Variants in CPA5 observed in about 807,000 individuals in gnomAD.
CPA5 encodes carboxypeptidase A5, also known as testicular tissue protein Li 32.
Under a neutral mutation model 52.2 loss-of-function variants are expected in CPA5, and 38 were observed. The observed-to-expected ratio is 0.73, with a 90% CI of 0.56 to 0.95. The LOEUF (loss-of-function observed/expected upper bound fraction) is 0.95, where lower values mean the gene tolerates loss of function less well. Among genes scored for constraint, CPA5 ranks in the 40% least tolerant of loss-of-function variants. CPA5 has a pLI of 0.00. For missense variants in CPA5, 519 were observed against 566.7 expected (o/e 0.92, Z 0.86); for synonymous variants, 198 against 213.7 (o/e 0.93, Z 0.64).
downstream of CPA5, chr7:130,368,793 C>G (rs953828567): frequency 3.1e-5 from 18 of 589,874 alleles, no homozygotes; most frequent in African/African-American, 3.4e-4. Context: ...GGACGAGAGG[C>G]TGCTTCTCAT....
chr7:130,359,580 A>C lies in CPA5; in HGVS notation c.334-9A>C. The stretch of plus-strand genomic sequence containing the variant: ...CCTTCCTTTCCAATATGTGTTCCCC[A>C]TCACCCAGGTGCTGCTGGATGAGGA... On this transcript the variant is annotated splice_polypyrimidine_tract_variant and intron_variant, in intron 5 of 12. Transcript: ENST00000474905. 6.4e-7 allele frequency: 1 copy of C among 1,553,816 alleles called. No homozygotes were observed. Among genetic ancestry groups the C allele is most frequent in the Non-Finnish European group, 8.7e-7 (1 of 1,146,956 alleles).
intron 4 of CPA5, among the ~76,000 whole-genome samples, chr7:130,349,770 A>G (rs1339765963): frequency 2.0e-5 from 3 of 150,378 alleles, no homozygotes; most frequent in Non-Finnish European, 3.0e-5. Flanking sequence ...TTTGTATAGG[A>G]AAGAGCATAG....
intron 6 of CPA5, among the ~76,000 whole-genome samples, chr7:130,360,924 G>A (rs908606946): frequency 5.3e-5 from 8 of 152,206 alleles, no homozygotes; most frequent in Non-Finnish European, 1.2e-4. Flanking sequence ...ACAGAGCAAG[G>A]AGCCTGGGAA....
intron 5 of CPA5, 49 bp from the exon 6 acceptor site, chr7:130,359,540 C>A: frequency 7.1e-7 from 1 of 1,407,768 alleles, no homozygotes; most frequent in Non-Finnish European, 9.8e-7. Context: ...AGAGGCATAG[C>A]CAGCCCAGCT....
At chr7:130,369,726 C>T (rs575550153), downstream of CPA5, among the ~76,000 whole-genome samples, 30 of 152,186 alleles carry the variant, frequency 2.0e-4, no homozygotes, top group Non-Finnish European at 8.8e-5. Context: ...CAAGAGCCAA[C>T]CCCTGGAGGG....
downstream of CPA5, among the ~76,000 whole-genome samples, chr7:130,370,988 C>T (rs139521564): frequency 6.6e-6 from 1 of 152,332 alleles, no homozygotes; most frequent in Non-Finnish European, 1.5e-5. Context: ...CAGAGGGAGG[C>T]CAGTCATTCT....
chr7:130,357,538 G>A lies in CPA5; in HGVS notation c.334-2051G>A, dbSNP rs535547467. ...CTCGGGAGGCAGAGGCAGGAGAATCGCTTGAACCTGGGAGGCAGAGGTTGC... is the reference window on the plus strand; with the variant it reads ...CTCGGGAGGCAGAGGCAGGAGAATCACTTGAACCTGGGAGGCAGAGGTTGC... On this transcript the variant is annotated intron_variant, in intron 5 of 12. Transcript: ENST00000474905. Among the ~76,000 whole-genome samples, 51 of 151,628 alleles carry A rather than the reference G, an allele frequency of 3.4e-4. No individual in the cohort carries two copies. In the East Asian group the frequency reaches 8.3e-3, roughly 25 times the overall value.
intron 10 of CPA5, 98 bp from the exon 11 acceptor site, chr7:130,367,274 A>G (rs554284231): frequency 5.2e-5 from 54 of 1,037,496 alleles, no homozygotes; most frequent in South Asian, 4.6e-4. Flanking sequence ...ACTGCAAAGG[A>G]GGCTGGGAAA....
Position 130,345,894 on chromosome 7 carries a change from G to A in CPA5, c.-96G>A, listed in dbSNP as rs1794701652. 1 of 152,208 alleles carries A rather than the reference G, an allele frequency of 6.6e-6. No individual in the cohort carries two copies. The highest frequency in any genetic ancestry group is 2.1e-4 in the South Asian group (1 of 4,832). The allele number at this position is 152,208 out of a possible 1,614,324, so 9.4% of individuals were successfully genotyped here. ...TCATCTATACCCCTTCAAACCCTGT[G>A]AGGTAGGGAGGGGAGGTATGATTAA... On this transcript the variant is annotated splice_region_variant and 5_prime_UTR_variant, in exon 2 of 13. Coordinates refer to ENST00000474905, the MANE Select transcript of CPA5 (RefSeq NM_080385.5).
rs1199541584 is a variant in CPA5, at chr7:130,346,569, G to A, written c.84G>A (p.Leu28=). Residue 28 remains leucine (L), a synonymous_variant, in exon 3 of 13, where the codon CTG becomes CTA. Coordinates refer to ENST00000474905, the MANE Select transcript of CPA5 (RefSeq NM_080385.5). ...CACTCCTGGTCTTCAGCTTTATCCTGGCAGCAGCTTTGGGCCAAATGAATT... is the reference window on the plus strand; with the variant it reads ...CACTCCTGGTCTTCAGCTTTATCCTAGCAGCAGCTTTGGGCCAAATGAATT... The part of the protein sequence containing the change: ...RRTLLVFSFI[L]AAALGQMNFT... 6.2e-7 allele frequency: 1 copy of A among 1,613,990 alleles called. No homozygotes were observed. Among genetic ancestry groups the A allele is most frequent in the Non-Finnish European group, 8.5e-7 (1 of 1,179,920 alleles).
At chr7:130,348,454 C>T (rs182467528) in intron 4 of CPA5, among the ~76,000 whole-genome samples, 2 of 152,310 alleles carry the variant, frequency 1.3e-5, no homozygotes, top group South Asian at 2.1e-4. Flanking sequence ...GACTGGGACT[C>T]ATGATGCTTT....
chr7:130,352,816 AC>A (rs1301709980), intron 5 of CPA5, among the ~76,000 whole-genome samples: 1 of 150,074 alleles, frequency 6.7e-6, no homozygotes, highest in Non-Finnish European at 1.5e-5. Context: ...ATTTTTCTTC[AC>A]CTCGTTCTTT....
intron 10 of CPA5, among the ~76,000 whole-genome samples, chr7:130,366,949 T>C (rs1024540598): frequency 6.6e-6 from 1 of 152,178 alleles, no homozygotes; most frequent in Non-Finnish European, 1.5e-5. Flanking sequence ...TGCAGTCCTC[T>C]GACATATTAG....
At chr7:130,346,711 A>T (rs1794767818) in intron 3 of CPA5, 110 bp downstream of exon 3, 1 of 846,404 alleles carries the variant, frequency 1.2e-6, no homozygotes, top group Admixed American at 2.1e-5. Flanking sequence ...GAGAGTCAGG[A>T]TGTGGGTTCC....
At chr7:130,362,111 A>G (rs1299185356) in intron 7 of CPA5, among the ~76,000 whole-genome samples, 2 of 152,210 alleles carry the variant, frequency 1.3e-5, no homozygotes, top group Non-Finnish European at 2.9e-5. Context: ...CTACTAAGTC[A>G]GAATCTGCAC....
chr7:130,347,123 C>T (rs1228160829), intron 3 of CPA5, among the ~76,000 whole-genome samples: 6 of 152,184 alleles, frequency 3.9e-5, no homozygotes, highest in African/African-American at 9.7e-5. Flanking sequence ...ACACAGCGAG[C>T]GTAGAGATGG....
At chr7:130,355,607 A>G (rs1795432822) in intron 5 of CPA5, among the ~76,000 whole-genome samples, 1 of 152,170 alleles carries the variant, frequency 6.6e-6, no homozygotes, top group South Asian at 2.1e-4. Context: ...GGGTTTTGCC[A>G]TGTTGGCCAG....
At chr7:130,368,072 T>G (rs2241273) in intron 12 of CPA5, 82 bp downstream of exon 12, 716,313 of 1,336,430 alleles carry the variant, frequency 0.54, 195,087 homozygotes, top group African/African-American at 0.73. Context: ...GATCTAGCTG[T>G]GCTGGCCCAA....
intron 10 of CPA5, 92 bp downstream of exon 10, chr7:130,363,601 T>A: frequency 9.4e-7 from 1 of 1,069,312 alleles, no homozygotes; most frequent in Non-Finnish European, 1.4e-6. Flanking sequence ...TTGACTCAAC[T>A]TGGGAGGCAT....
Sources: allele counts gnomAD v4.1 joint callset (sites outside exome capture counted in the v4.1 genomes callset), GRCh38; gene constraint gnomAD v4.1.1; transcripts MANE v1.5; gene names NCBI Gene and HGNC (gene_info 2026-07-23, HGNC 2026-07-21).